Variants in MAGI2 observed in about 807,000 individuals in gnomAD.
MAGI2 encodes the protein membrane associated guanylate kinase, WW and PDZ domain containing 2, also known as membrane-associated guanylate kinase, WW and PDZ domain-containing protein 2.
Under a neutral mutation model 133.3 loss-of-function variants are expected in MAGI2, and 35 were observed. The observed-to-expected ratio is 0.26, with a 90% CI of 0.20 to 0.35. The LOEUF is 0.35. Among genes scored for constraint, MAGI2 ranks in the 10% least tolerant of loss-of-function variants. MAGI2 has a pLI of 1.00. For missense variants in MAGI2, 1,636 were observed against 1,863.4 expected, an observed-to-expected ratio of 0.88 and a Z score of 2.25; for synonymous variants, 729 against 710.6, an observed-to-expected ratio of 1.03 and a Z score of -0.41.
intron 1 of MAGI2, among the ~76,000 whole-genome samples, chr7:79,114,225 C>T (rs1046166703): frequency 1.9e-4 from 29 of 152,150 alleles, no homozygotes; most frequent in Non-Finnish European, 5.9e-5. Context: ...CCTAGGGATT[C>T]CTTCCTTGTC....
chr7:78,774,529 G>A (rs1482612290), intron 2 of MAGI2, among the ~76,000 whole-genome samples: 1 of 152,044 alleles, frequency 6.6e-6, no homozygotes, highest in Non-Finnish European at 1.5e-5. Flanking sequence ...TTCTTTTCTT[G>A]CATGCTGTCA....
chr7:78,723,706 T>C (rs73365823), intron 2 of MAGI2, among the ~76,000 whole-genome samples: 3,166 of 152,144 alleles, frequency 0.021, 115 homozygotes, highest in African/African-American at 0.072. Context: ...TGACTATAGG[T>C]CAGAGGGAAA....
At chr7:79,094,092 G>A (rs1035439915) in intron 1 of MAGI2, among the ~76,000 whole-genome samples, 1 of 152,186 alleles carries the variant, frequency 6.6e-6, no homozygotes, top group Non-Finnish European at 1.5e-5. Flanking sequence ...TGTAGCATGT[G>A]ATGAAATTTG....
intron 2 of MAGI2, among the ~76,000 whole-genome samples, chr7:78,847,271 G>A (rs1349862895): frequency 6.6e-6 from 1 of 151,784 alleles, no homozygotes; most frequent in African/African-American, 2.4e-5. Flanking sequence ...CCTCATACAT[G>A]GATTCTACTT....
intron 1 of MAGI2, among the ~76,000 whole-genome samples, chr7:79,099,713 G>C (rs978263285): frequency 3.9e-5 from 6 of 152,172 alleles, no homozygotes; most frequent in African/African-American, 1.4e-4. Context: ...ACTTATAAGT[G>C]AGAATATGCA....
chr7:79,103,042 C>T (rs12674038), intron 1 of MAGI2, among the ~76,000 whole-genome samples: 103,783 of 152,092 alleles, frequency 0.68, 38,181 homozygotes, highest in Non-Finnish European at 0.83. Context: ...GCCACATAGA[C>T]ATCAGGCTTG....
intron 2 of MAGI2, among the ~76,000 whole-genome samples, chr7:78,691,573 T>C (rs992531752): frequency 4.0e-4 from 61 of 152,148 alleles, no homozygotes; most frequent in African/African-American, 1.4e-3. Context: ...TGTATGATAT[T>C]GTATAAAAAG....
chr7:78,304,647 GAGAA>G (rs1260590906), intron 9 of MAGI2, among the ~76,000 whole-genome samples: 1 of 152,114 alleles, frequency 6.6e-6, no homozygotes, highest in Non-Finnish European at 1.5e-5. Context: ...CTTTCCACTT[GAGAA>G]AGAAACAATA....
chr7:78,347,834 T>C (rs919510345), intron 7 of MAGI2, among the ~76,000 whole-genome samples: 2 of 152,194 alleles, frequency 1.3e-5, no homozygotes, highest in Non-Finnish European at 2.9e-5. Context: ...AAAACGTTAT[T>C]GTAATGCTCT....
intron 2 of MAGI2, among the ~76,000 whole-genome samples, chr7:78,852,296 A>G (rs1793209844): frequency 6.6e-6 from 1 of 152,064 alleles, no homozygotes. Flanking sequence ...TTGTATTATT[A>G]TGAATATCAA....
chr7:78,391,171 A>G (rs987739388), intron 6 of MAGI2, among the ~76,000 whole-genome samples: 1 of 152,234 alleles, frequency 6.6e-6, no homozygotes, highest in South Asian at 2.1e-4. Flanking sequence ...CTTCAGTCAG[A>G]GTCCAAATTC....
At chr7:78,903,225 G>A (rs1377125963) in intron 2 of MAGI2, among the ~76,000 whole-genome samples, 2 of 97,826 alleles carry the variant, frequency 2.0e-5, no homozygotes, top group East Asian at 3.1e-4. Flanking sequence ...ACAGAGTCTC[G>A]CTCTTTCGCC....
At chr7:79,164,543 T>C (rs1185273366) in intron 1 of MAGI2, among the ~76,000 whole-genome samples, 1 of 152,002 alleles carries the variant, frequency 6.6e-6, no homozygotes, top group Non-Finnish European at 1.5e-5. Context: ...TTGTCATCTA[T>C]TGTCTCTAAG....
chr7:78,125,680 G>C lies in MAGI2; in HGVS notation c.3567+14C>G. 1 of 1,565,720 alleles carries C rather than the reference G, an allele frequency of 6.4e-7. No homozygotes were observed. The highest frequency in any genetic ancestry group is 8.7e-7 in the Non-Finnish European group (1 of 1,145,236). On this transcript the variant is annotated intron_variant, in intron 20 of 21. Coordinates refer to ENST00000354212, the MANE Select transcript of MAGI2 (RefSeq NM_012301.4). ...TCAGAATTAAGCAATTCTATAAAAA[G>C]AGACTGTTCTTACCCTCATCCTCCC...
At position 78,806,291 on chromosome 7, in the gene MAGI2, G is replaced by C. The variant is rs1788570474; in HGVS notation, c.419-179052C>G. ...CTTCTTCATAGATAAAATGTGAATA[G>C]GAACTTAATCTACACTGAAAGATGT... On this transcript the variant is annotated intron_variant, in intron 2 of 21. Transcript: ENST00000354212. Among the ~76,000 whole-genome samples, 3 of 151,750 alleles carry C rather than the reference G, an allele frequency of 2.0e-5. No individual in the cohort carries two copies. The South Asian group carries it at 6.2e-4, about 32-fold the overall frequency.
At chr7:78,197,069 G>T (rs1828810248) in intron 11 of MAGI2, among the ~76,000 whole-genome samples, 1 of 152,204 alleles carries the variant, frequency 6.6e-6, no homozygotes, top group African/African-American at 2.4e-5. Context: ...TGAATTTTCT[G>T]CTCAGAAGGG....
chr7:78,354,020 G>A (rs1436208865), intron 7 of MAGI2, among the ~76,000 whole-genome samples: 5 of 152,114 alleles, frequency 3.3e-5, no homozygotes. Context: ...TATAAGATGA[G>A]CTTCAACACA....
At position 78,262,248 on chromosome 7, in the gene MAGI2, G is replaced by T. The variant is rs114317032; in HGVS notation, c.1409-5667C>A. On this transcript the variant is annotated intron_variant, in intron 9 of 21. Transcript: ENST00000354212. ...CAAAAACAGATACTTAGGCATGAAA[G>T]GTGTAACAGATGATAAAAAATTCCT... Among the ~76,000 whole-genome samples, 866 of 152,150 alleles carry T rather than the reference G, an allele frequency of 5.7e-3. 6 individuals are homozygous for T. Among genetic ancestry groups the T allele is most frequent in the African/African-American group, 0.02 (813 of 41,516 alleles).
chr7:78,770,309 C>T (rs542135328), intron 2 of MAGI2, among the ~76,000 whole-genome samples: 3 of 152,252 alleles, frequency 2.0e-5, no homozygotes, highest in South Asian at 2.1e-4. Context: ...TTTTAAGCTT[C>T]GGCTCCAATA....
Sources: gnomAD v4.1 joint callset for allele counts (sites outside exome capture counted in the v4.1 genomes callset) on GRCh38, gnomAD v4.1.1 for gene constraint, MANE v1.5 for transcripts, NCBI Gene and HGNC (gene_info 2026-07-23, HGNC 2026-07-21) for gene names.